Variants in ABCA13 observed in about 807,000 individuals in gnomAD.
ABCA13 encodes the protein ATP-binding cassette sub-family A member 13.
ABCA13 carries 476 observed loss-of-function variants against 478.7 expected under a neutral mutation model. The ratio of observed to expected loss-of-function variants is 0.99; its 90% CI spans 0.92 to 1.07. The LOEUF is 1.07. Ranked by LOEUF, ABCA13 falls within the 50% of genes least tolerant of loss-of-function variation. The probability of loss-of-function intolerance (pLI) is 0.00; values close to 1 mark genes in which losing one functional copy is unlikely to be tolerated. For synonymous variants in ABCA13, 2,252 were observed against 2,158.9 expected, an observed-to-expected ratio of 1.04 and a Z score of -1.20; for missense variants, 6,060 against 5,910.6, an observed-to-expected ratio of 1.03 and a Z score of -0.83.
intron 15 of ABCA13, among the ~76,000 whole-genome samples, chr7:48,259,548 C>A (rs900924858): frequency 2.0e-5 from 3 of 152,002 alleles, no homozygotes; most frequent in African/African-American, 7.2e-5. Flanking sequence ...ACTTCTTTAT[C>A]CAACTTCCAC....
At position 48,645,873 on chromosome 7, in the gene ABCA13, A is replaced by C; in HGVS notation, c.*361A>C. ...TGTGTGTGACATGTCCACTCTAAAC[A>C]TGTCACTTTTCTGTTAAGAAAACTG... On this transcript the variant is annotated 3_prime_UTR_variant, in exon 62 of 62. Coordinates refer to ENST00000435803, the MANE Select transcript of ABCA13 (RefSeq NM_152701.5). 1.1e-5 allele frequency: 2 copies of C among 180,734 alleles called. No homozygotes were observed. The highest frequency in any genetic ancestry group is 2.3e-5 in the Non-Finnish European group (2 of 87,648). 11.2% of individuals were successfully genotyped at this position (180,734 alleles called of 1,614,324 possible).
chr7:48,523,196 A>G (rs929197458), intron 53 of ABCA13, among the ~76,000 whole-genome samples: 2 of 152,096 alleles, frequency 1.3e-5, no homozygotes, highest in African/African-American at 2.4e-5. Context: ...CGTTATATAA[A>G]TGAGGTCATG....
chr7:48,192,383 A>G (rs139050038), intron 1 of ABCA13, among the ~76,000 whole-genome samples: 34,821 of 152,104 alleles, frequency 0.23, 4,234 homozygotes, highest in African/African-American at 0.26. Flanking sequence ...TAATTTTAAG[A>G]AAATAATTCA....
At chr7:48,189,361 C>T (rs777668293) in intron 1 of ABCA13, among the ~76,000 whole-genome samples, 42,952 of 151,864 alleles carry the variant, frequency 0.28, 6,679 homozygotes, top group East Asian at 0.48. Context: ...CTTATGAAAG[C>T]CACTCACACA....
chr7:48,177,947 T>C (rs570314646), intron 1 of ABCA13, among the ~76,000 whole-genome samples: 2 of 152,310 alleles, frequency 1.3e-5, no homozygotes, highest in South Asian at 2.1e-4. Flanking sequence ...TGAGGGCCAT[T>C]TGAGTGTGTC....
intron 57 of ABCA13, among the ~76,000 whole-genome samples, chr7:48,587,876 C>A (rs1238061276): frequency 6.6e-6 from 1 of 152,172 alleles, no homozygotes; most frequent in African/African-American, 2.4e-5. Flanking sequence ...AGTTAATTAT[C>A]TTGCATTTCA....
intron 59 of ABCA13, among the ~76,000 whole-genome samples, chr7:48,617,970 A>G (rs186557846): frequency 3.7e-4 from 57 of 152,186 alleles, no homozygotes; most frequent in African/African-American, 1.3e-3. Flanking sequence ...AGTGAAGTGA[A>G]ATTTCCCAAA....
rs1371914574 is a variant in ABCA13 at position 48,227,244 on chromosome 7, T to C, written c.469-18T>C. 1 of 1,592,824 alleles carries C rather than the reference T, an allele frequency of 6.3e-7. No homozygotes were observed. Among genetic ancestry groups the C allele is most frequent in the Non-Finnish European group, 8.6e-7 (1 of 1,164,168 alleles). ...AAACTCCAGAGGGAAACTTTTGGTG[T>C]ATTTTTTTTCCCATCAGATGGATCT... On this transcript the variant is annotated intron_variant, in intron 5 of 61. Coordinates refer to ENST00000435803, the MANE Select transcript of ABCA13 (RefSeq NM_152701.5).
chr7:48,293,927 A>C (rs1330793462), intron 20 of ABCA13, among the ~76,000 whole-genome samples: 2 of 152,218 alleles, frequency 1.3e-5, no homozygotes, highest in Non-Finnish European at 2.9e-5. Context: ...TGCAGTGGAC[A>C]GAACAGGAGC....
chr7:48,473,980 C>G (rs1418143356), intron 45 of ABCA13, among the ~76,000 whole-genome samples: 1 of 152,170 alleles, frequency 6.6e-6, no homozygotes, highest in African/African-American at 2.4e-5. Context: ...ATGTTTCCCT[C>G]TTGGCCCCAG....
chr7:48,228,725 T>G (rs1562826343), intron 6 of ABCA13, among the ~76,000 whole-genome samples: 1 of 152,224 alleles, frequency 6.6e-6, no homozygotes, highest in East Asian at 1.9e-4. Flanking sequence ...TATTTGTCAA[T>G]GTAGGAAAAT....
chr7:48,259,527 T>C (rs1205238200), intron 15 of ABCA13, among the ~76,000 whole-genome samples: 1 of 152,070 alleles, frequency 6.6e-6, no homozygotes, highest in East Asian at 1.9e-4. Context: ...TGAAGACACA[T>C]ATGGCGTCTT....
In ABCA13 at chr7:48,294,515, C is replaced by T. The variant is rs1200641293; in HGVS notation, c.8956-1185C>T. ...ACTGCGGACTGCAGTGGCGCAATCT[C>T]GGCTCACTGCAAGCTCCGCTTCCCG... On this transcript the variant is annotated intron_variant, in intron 20 of 61. Transcript: ENST00000435803. Among the ~76,000 whole-genome samples the T allele has an allele frequency of 6.5e-4, 97 of 149,260 alleles. 1 individual carries two copies. The highest frequency in any genetic ancestry group is 8.7e-4 in the Non-Finnish European group (59 of 67,584).
intron 59 of ABCA13, among the ~76,000 whole-genome samples, chr7:48,623,322 G>C (rs1053285291): frequency 6.6e-6 from 1 of 151,960 alleles, no homozygotes; most frequent in Non-Finnish European, 1.5e-5. Context: ...TTATTTCTTC[G>C]TTATCCTTTT....
intron 38 of ABCA13, among the ~76,000 whole-genome samples, chr7:48,399,237 A>T (rs1419076402): frequency 6.6e-6 from 1 of 152,240 alleles, no homozygotes; most frequent in African/African-American, 2.4e-5. Context: ...TAATTCAAAG[A>T]CAGGAATCAC....
At chr7:48,340,399 C>A (rs373751418) in intron 29 of ABCA13, among the ~76,000 whole-genome samples, 110 of 152,274 alleles carry the variant, frequency 7.2e-4, no homozygotes, top group African/African-American at 2.5e-3. Flanking sequence ...AGCCACTGCG[C>A]CTGGCCTCAT....
intron 59 of ABCA13, among the ~76,000 whole-genome samples, chr7:48,640,215 T>G (rs976651732): frequency 6.6e-6 from 1 of 152,174 alleles, no homozygotes; most frequent in Non-Finnish European, 1.5e-5. Context: ...AATTATGACT[T>G]TTAATTTGGG....
chr7:48,500,585 G>A (rs912243224), intron 48 of ABCA13, among the ~76,000 whole-genome samples: 2 of 152,074 alleles, frequency 1.3e-5, no homozygotes, highest in East Asian at 1.9e-4. Flanking sequence ...TGCTTTCAAC[G>A]AATGACTATG....
At chr7:48,293,985 T>C (rs568715395) in intron 20 of ABCA13, among the ~76,000 whole-genome samples, 1 of 152,342 alleles carries the variant, frequency 6.6e-6, no homozygotes, top group East Asian at 1.9e-4. Flanking sequence ...ATCCCGGTTT[T>C]ATCCACCTCA....
Sources: gnomAD v4.1 joint callset for allele counts (sites outside exome capture counted in the v4.1 genomes callset) on GRCh38, gnomAD v4.1.1 for gene constraint, MANE v1.5 for transcripts, NCBI Gene and HGNC (gene_info 2026-07-23, HGNC 2026-07-21) for gene names.